Variants in BBX observed in about 807,000 individuals in gnomAD.
BBX encodes the protein HMG box transcription factor BBX.
Under a neutral mutation model 100.2 loss-of-function variants are expected in BBX, and 30 were observed. The ratio of observed to expected loss-of-function variants is 0.30; its 90% confidence interval spans 0.22 to 0.41. The LOEUF (loss-of-function observed/expected upper bound fraction) is 0.41, where lower values mean the gene tolerates loss of function less well. Ranked by LOEUF, BBX falls within the 10% of genes least tolerant of loss-of-function variation. The pLI, the probability that BBX is intolerant of heterozygous loss-of-function variation, is 1.00. For missense variants in BBX, 1,023 were observed against 1,129.8 expected, an observed-to-expected ratio of 0.91 and a Z score of 1.35; for synonymous variants, 376 against 388.1, an observed-to-expected ratio of 0.97 and a Z score of 0.37.
chr3:107,798,392 C>T, intron 15 of BBX, 131 bp from the exon 16 acceptor site: 1 of 799,228 alleles, frequency 1.3e-6, no homozygotes, highest in Non-Finnish European at 2.0e-6. Context: ...TTTTTTCCAT[C>T]AGTACTTTGA....
At chr3:107,801,922 CT>C (rs2070532861) in intron 17 of BBX, among the ~76,000 whole-genome samples, 1 of 152,122 alleles carries the variant, frequency 6.6e-6, no homozygotes, top group African/African-American at 2.4e-5. Flanking sequence ...CTTTAGTTTT[CT>C]CAGCACACAT....
chr3:107,532,886 C>G (rs906067955), intron 2 of BBX, among the ~76,000 whole-genome samples: 1 of 152,084 alleles, frequency 6.6e-6, no homozygotes, highest in African/African-American at 2.4e-5. Context: ...TTAATAAGCT[C>G]TCTATATTTT....
At chr3:107,643,934 AT>A (rs1432458002) in intron 2 of BBX, among the ~76,000 whole-genome samples, 1 of 152,080 alleles carries the variant, frequency 6.6e-6, no homozygotes, top group Non-Finnish European at 1.5e-5. Flanking sequence ...TCTGTGGCTG[AT>A]TTCCTGGCTT....
chr3:107,691,671 T>C (rs2060177485), intron 3 of BBX, among the ~76,000 whole-genome samples: 1 of 152,220 alleles, frequency 6.6e-6, no homozygotes, highest in Non-Finnish European at 1.5e-5. Flanking sequence ...ATGTGCAGGC[T>C]GATATAAGAT....
intron 2 of BBX, among the ~76,000 whole-genome samples, chr3:107,530,588 T>A (rs1234022099): frequency 6.6e-6 from 1 of 152,168 alleles, no homozygotes; most frequent in Non-Finnish European, 1.5e-5. Context: ...ACTGAACTCT[T>A]AAAAGGAACA....
chr3:107,666,270 G>A (rs550487572), intron 3 of BBX, among the ~76,000 whole-genome samples: 1 of 152,160 alleles, frequency 6.6e-6, no homozygotes, highest in African/African-American at 2.4e-5. Flanking sequence ...TTTAACAAAG[G>A]TCAGGTATAG....
At chr3:107,733,743 C>T (rs762645963) in intron 7 of BBX, among the ~76,000 whole-genome samples, 1 of 152,294 alleles carries the variant, frequency 6.6e-6, no homozygotes, top group East Asian at 1.9e-4. Flanking sequence ...TCTGGGATCA[C>T]AGATGTGAGC....
At chr3:107,588,880 TTA>T (rs1262536843) in intron 2 of BBX, among the ~76,000 whole-genome samples, 3 of 152,220 alleles carry the variant, frequency 2.0e-5, no homozygotes, top group African/African-American at 7.2e-5. Flanking sequence ...CAATATTTAT[TTA>T]TTTTAATTTT....
intron 13 of BBX, among the ~76,000 whole-genome samples, chr3:107,788,746 G>A (rs1026897025): frequency 2.6e-5 from 4 of 152,140 alleles, no homozygotes; most frequent in African/African-American, 9.7e-5. Flanking sequence ...CTGCACTCCA[G>A]CCTGGTGACA....
intron 3 of BBX, among the ~76,000 whole-genome samples, chr3:107,671,998 C>A (rs2059044421): frequency 6.6e-6 from 1 of 151,970 alleles, no homozygotes; most frequent in Non-Finnish European, 1.5e-5. Context: ...AAATTTTAAT[C>A]GTTGATAAAA....
intron 17 of BBX, among the ~76,000 whole-genome samples, chr3:107,804,169 A>C (rs778859280): frequency 6.6e-6 from 1 of 152,208 alleles, no homozygotes; most frequent in Non-Finnish European, 1.5e-5. Context: ...TTGGGCTATT[A>C]AGTGATCATT....
At chr3:107,800,144 G>A (rs537127375) in intron 16 of BBX, among the ~76,000 whole-genome samples, 5 of 152,284 alleles carry the variant, frequency 3.3e-5, no homozygotes, top group African/African-American at 1.2e-4. Context: ...AATTCAAAGA[G>A]GTGGAAGTTT....
intron 7 of BBX, among the ~76,000 whole-genome samples, chr3:107,744,342 A>T (rs1322056355): frequency 6.6e-6 from 1 of 152,160 alleles, no homozygotes; most frequent in South Asian, 2.1e-4. Flanking sequence ...AGAGGTTTAG[A>T]TCACAGGAAT....
At chr3:107,670,370 G>A (rs1484586634) in intron 3 of BBX, among the ~76,000 whole-genome samples, 1 of 152,040 alleles carries the variant, frequency 6.6e-6, no homozygotes, top group Non-Finnish European at 1.5e-5. Context: ...TACTGCTGTT[G>A]AATGACTGTA....
chr3:107,747,714 A>G (rs2064742996), intron 8 of BBX, among the ~76,000 whole-genome samples: 1 of 151,214 alleles, frequency 6.6e-6, no homozygotes, highest in Non-Finnish European at 1.5e-5. Context: ...GCTGTTTGAT[A>G]TATACCTGGT....
chr3:107,629,666 G>A (rs1576075566), intron 2 of BBX, among the ~76,000 whole-genome samples: 2 of 152,008 alleles, frequency 1.3e-5, no homozygotes, highest in East Asian at 3.9e-4. Flanking sequence ...ACTTCTGGTT[G>A]GAGCTTAGTG....
rs1156396951 is a variant in BBX, at chr3:107,737,884, G to GTTTTTTTTTT, written c.669+4882_669+4891dup. Among the ~76,000 whole-genome samples, 70 of 48,884 alleles carry GTTTTTTTTTT rather than the reference G, an allele frequency of 1.4e-3. 3 individuals are homozygous for GTTTTTTTTTT. Among genetic ancestry groups the GTTTTTTTTTT allele is most frequent in the African/African-American group, 1.7e-3 (19 of 11,300 alleles). 32.1% of individuals were successfully genotyped at this position (48,884 alleles called of 152,430 possible). ...GGACCAGAAGTACTTCAGAGTTCCA[G>GTTTTTTTTTT]TTTTTTTTTTTTTTTTTTTTTTTTT... On this transcript the variant is annotated intron_variant, in intron 7 of 17. Transcript: ENST00000325805.
At chr3:107,721,458 A>C (rs941328850) in intron 5 of BBX, among the ~76,000 whole-genome samples, 1 of 151,820 alleles carries the variant, frequency 6.6e-6, no homozygotes, top group African/African-American at 2.4e-5. Context: ...GCTACTTCTA[A>C]TCAAATGGCT....
intron 2 of BBX, among the ~76,000 whole-genome samples, chr3:107,603,135 T>C (rs774998955): frequency 9.2e-5 from 14 of 151,934 alleles, no homozygotes; most frequent in Non-Finnish European, 1.5e-4. Context: ...GGCTAATTTT[T>C]TTTTGTTTTT....
Sources: allele counts gnomAD v4.1 joint callset (sites outside exome capture counted in the v4.1 genomes callset), GRCh38; gene constraint gnomAD v4.1.1; transcripts MANE v1.5; gene names NCBI Gene and HGNC (gene_info 2026-07-23, HGNC 2026-07-21).